Variants in NTRK1 observed in about 807,000 individuals in gnomAD.
NTRK1 encodes the protein neurotrophic receptor tyrosine kinase 1.
Under a neutral mutation model 86.8 loss-of-function variants are expected in NTRK1, and 62 were observed. That is an observed-to-expected ratio of 0.71 (90% CI 0.58 to 0.88). The LOEUF (loss-of-function observed/expected upper bound fraction) is 0.88, where lower values mean the gene tolerates loss of function less well. NTRK1 is among the 40% of genes least tolerant of loss of function. The pLI, the probability that NTRK1 is intolerant of heterozygous loss-of-function variation, is 0.00. For missense variants in NTRK1, 967 were observed against 1,078.4 expected (o/e 0.90, Z 1.45); for synonymous variants, 469 against 456.6 (o/e 1.03, Z -0.35).
At chr1:156,826,463 G>C (rs1389776764) in intron 1 of NTRK1, among the ~76,000 whole-genome samples, 1 of 151,954 alleles carries the variant, frequency 6.6e-6, no homozygotes, top group Non-Finnish European at 1.5e-5. Context: ...ACTGTGCCCG[G>C]CTAATTTTTT....
chr1:156,829,658 TTTC>T (rs1207822907), intron 1 of NTRK1, among the ~76,000 whole-genome samples: 2 of 152,142 alleles, frequency 1.3e-5, no homozygotes, highest in African/African-American at 4.8e-5. Context: ...CTTTTTCTTT[TTTC>T]TTTTTTTTTG....
At chr1:156,879,581 C>G (rs559698053) in intron 15 of NTRK1, among the ~76,000 whole-genome samples, 2 of 152,244 alleles carry the variant, frequency 1.3e-5, no homozygotes, top group East Asian at 3.9e-4. Flanking sequence ...CCTCTTAGAC[C>G]TGAGAGCCAC....
intron 2 of NTRK1, chr1:156,851,755 A>G (rs745444487): frequency 1.9e-6 from 3 of 1,613,554 alleles, no homozygotes; most frequent in East Asian, 2.2e-5. Flanking sequence ...TGCACTCTTT[A>G]GGGCACAGCC....
In NTRK1 at chr1:156,881,629, A is replaced by T. The variant is rs574726130; in HGVS notation, c.2378A>T (p.Asp793Val). ...GCCCAGGCACCTCCTGTCTACCTGG[A>T]TGTCCTGGGCTAGGGGGCCGGCCCA... Reference protein sequence around the residue: ...ALAQAPPVYLDVLG With the variant: ...ALAQAPPVYLVVLG The change falls in exon 17 of 17, where the codon GAT becomes GTT. Residue 793 changes from aspartate to valine, a missense_variant. By Grantham distance (152) the Asp-to-Val change is radical (BLOSUM62 -3). Transcript: ENST00000524377. 1.9e-6 allele frequency: 3 copies of T among 1,607,570 alleles called. No individual in the cohort carries two copies. The highest frequency in any genetic ancestry group is 2.2e-5 in the East Asian group (1 of 44,684).
chr1:156,845,162 C>A (rs1314258343), intron 2 of NTRK1: 27 of 1,611,362 alleles, frequency 1.7e-5, no homozygotes, highest in Non-Finnish European at 2.3e-5. Context: ...GATGTCGATC[C>A]GGTATTCCGT....
chr1:156,876,326 G>C (rs1057323055), intron 13 of NTRK1, 74 bp from the exon 14 acceptor site: 4 of 1,609,770 alleles, frequency 2.5e-6, no homozygotes, highest in Admixed American at 1.7e-5. Flanking sequence ...TACCGGGGTG[G>C]GCGGGCTGCC....
chr1:156,843,514 GT>G, intron 2 of NTRK1: 1 of 1,606,006 alleles, frequency 6.2e-7, no homozygotes, highest in South Asian at 1.1e-5. Context: ...GGCTGGAAGG[GT>G]TCTCAGGAAG....
rs1655828678 is a variant in NTRK1 at position 156,864,415 on chromosome 1, G to A, written c.274G>A (p.Glu92Lys). 1.9e-6 allele frequency: 3 copies of A among 1,614,070 alleles called. No individual in the cohort carries two copies. Among genetic ancestry groups the A allele is most frequent in the South Asian group, 2.2e-5 (2 of 91,064 alleles). ...LELRDLRGLG[E>K]LRNLTIVKSG... Reference sequence around the variant, plus strand: ...GCTCCGTGATCTGAGGGGCCTGGGGGAGCTGAGAAACCTGTGAGGGAAACG... The same window carrying A: ...GCTCCGTGATCTGAGGGGCCTGGGGAAGCTGAGAAACCTGTGAGGGAAACG... Residue 92 changes from glutamate to lysine, a missense_variant, in exon 2 of 17, where the codon GAG (glutamate) becomes AAG (lysine). Glu to Lys is a moderately conservative substitution (Grantham distance 56). Coordinates refer to ENST00000524377, the MANE Select transcript of NTRK1 (RefSeq NM_002529.4).
At position 156,876,515 on chromosome 1, in the gene NTRK1, G is replaced by GC; in HGVS notation, c.1753dup (p.Leu585ProfsTer6). ...TTCTTCGGCGTCTGCACCGAGGGCC[G>GC]CCCCCTGCTCATGGTCTTTGAGTAT... is the stretch of plus-strand genomic sequence containing the variant. On this transcript the variant is annotated frameshift_variant, in exon 14 of 17. Transcript: ENST00000524377. LOFTEE classifies it high-confidence loss of function. The GC allele has an allele frequency of 6.2e-7, 1 of 1,613,548 alleles. No homozygotes were observed. The highest frequency in any genetic ancestry group is 8.5e-7 in the Non-Finnish European group (1 of 1,179,976).
chr1:156,829,854 C>T (rs1176612), intron 1 of NTRK1, among the ~76,000 whole-genome samples: 4 of 152,230 alleles, frequency 2.6e-5, no homozygotes, highest in South Asian at 4.1e-4. Context: ...GGTTTCACCA[C>T]GTTGGCCAGG....
Position 156,868,103 on chromosome 1 carries a change from G to A in NTRK1, c.429-1G>A, listed in dbSNP as rs748672380. 1 of 1,613,830 alleles carries A rather than the reference G, an allele frequency of 6.2e-7. No homozygotes were observed. Among genetic ancestry groups the A allele is most frequent in the South Asian group, 1.1e-5 (1 of 91,080 alleles). On this transcript the variant is annotated splice_acceptor_variant, in intron 4 of 16. Coordinates refer to ENST00000524377, the MANE Select transcript of NTRK1 (RefSeq NM_002529.4). LOFTEE classifies it high-confidence loss of function. ...CTGTTGGTGTCCCCCATGCCCCCCA[G>A]GGTCCTGTCGGGGAACCCTCTGCAC...
intron 1 of NTRK1, among the ~76,000 whole-genome samples, chr1:156,834,507 C>T (rs979635589): frequency 6.6e-6 from 1 of 152,132 alleles, no homozygotes; most frequent in African/African-American, 2.4e-5. Flanking sequence ...GTCTTCGAGG[C>T]AGAGTGGGGT....
chr1:156,877,443 AG>A (rs1224774368), intron 14 of NTRK1, among the ~76,000 whole-genome samples: 8 of 152,360 alleles, frequency 5.3e-5, no homozygotes, highest in Non-Finnish European at 8.8e-5. Context: ...GACTTGCCCA[AG>A]GGCACACAGG....
chr1:156,832,794 G>A (rs1654498311), intron 1 of NTRK1, among the ~76,000 whole-genome samples: 1 of 152,188 alleles, frequency 6.6e-6, no homozygotes, highest in South Asian at 2.1e-4. Context: ...CATTTATGGT[G>A]CTCTTGTAGC....
At chr1:156,842,584 C>T (rs1654841304) in intron 2 of NTRK1, 2 of 1,089,040 alleles carry the variant, frequency 1.8e-6, no homozygotes, top group East Asian at 2.4e-5. Flanking sequence ...TCTGCTATGA[C>T]CACAGTCTGA....
At chr1:156,840,962 G>T in intron 1 of NTRK1, 1 of 1,613,870 alleles carries the variant, frequency 6.2e-7, no homozygotes, top group Non-Finnish European at 8.5e-7. Context: ...AGGGAGCCCC[G>T]GGCCCCCCGG....
rs191493961 is a variant in NTRK1, at chr1:156,828,675, G to A, written c.-64+12837G>A. 1.8e-3 allele frequency among the ~76,000 whole-genome samples: 276 copies of A among 152,368 alleles called. 1 individual carries two copies. The highest frequency in any genetic ancestry group is 3.4e-3 in the Non-Finnish European group (228 of 68,030). On this transcript the variant is annotated intron_variant, in intron 1 of 16. Transcript: ENST00000392302. ...CTGTGGTTTACCCTTCAGTATACGG[G>A]TGACTGTGAAGCAATGGAAGGAGAG...
chr1:156,881,708 A>C lies in NTRK1; in HGVS notation c.*66A>C. ...GGGGCCTGCCCTCAGCATCCCCCAT[A>C]GCTCCCAGCAGCCCCAGGGTGATCT... On this transcript the variant is annotated 3_prime_UTR_variant, in exon 17 of 17. Coordinates refer to ENST00000524377, the MANE Select transcript of NTRK1 (RefSeq NM_002529.4). 6.9e-7 allele frequency: 1 copy of C among 1,449,774 alleles called. No homozygotes were observed. The highest frequency in any genetic ancestry group is 9.3e-7 in the Non-Finnish European group (1 of 1,075,138). 89.8% of individuals were successfully genotyped at this position (1,449,774 alleles called of 1,614,324 possible).
intron 2 of NTRK1, chr1:156,846,537 G>A: frequency 6.2e-7 from 1 of 1,614,044 alleles, no homozygotes. Context: ...AGCGTTCGGA[G>A]GTAGACGATG....
Sources: gnomAD v4.1 joint callset for allele counts (sites outside exome capture counted in the v4.1 genomes callset) on GRCh38, gnomAD v4.1.1 for gene constraint, MANE v1.5 for transcripts, NCBI Gene and HGNC (gene_info 2026-07-23, HGNC 2026-07-21) for gene names.